DARS1: variants seen among roughly 807,000 people sequenced by gnomAD.
DARS1 encodes aspartate--tRNA ligase, cytoplasmic.
Under a neutral mutation model 68.8 loss-of-function variants are expected in DARS1, and 51 were observed. The observed-to-expected ratio is 0.74, with a 90% CI of 0.59 to 0.94. The LOEUF (loss-of-function observed/expected upper bound fraction) is 0.94, where lower values mean the gene tolerates loss of function less well. Ranked by LOEUF, DARS1 falls within the 40% of genes least tolerant of loss-of-function variation. The pLI is 0.00. For synonymous variants in DARS1, 203 were observed against 190.4 expected, an observed-to-expected ratio of 1.07 and a Z score of -0.55; for missense variants, 607 against 597.3, an observed-to-expected ratio of 1.02 and a Z score of -0.17.
At chr2:135,983,968 T>C (rs542621771) in intron 1 of DARS1, among the ~76,000 whole-genome samples, 3 of 152,318 alleles carry the variant, frequency 2.0e-5, no homozygotes, top group Admixed American at 6.5e-5. Flanking sequence ...AACTTTCCTT[T>C]TGTAAAACAT....
chr2:135,917,010 A>G (rs1312221290), intron 10 of DARS1, among the ~76,000 whole-genome samples: 1 of 152,136 alleles, frequency 6.6e-6, no homozygotes, highest in Non-Finnish European at 1.5e-5. Flanking sequence ...AACATGGTGA[A>G]ACCCCATCTC....
Position 135,911,371 on chromosome 2 carries a change from A to C in DARS1, c.1342+11T>G. 1.1e-6 allele frequency: 1 copy of C among 894,986 alleles called. No homozygotes were observed. The highest frequency in any genetic ancestry group is 1.9e-6 in the Non-Finnish European group (1 of 526,952). 55.4% of individuals were successfully genotyped at this position (894,986 alleles called of 1,614,324 possible). A position where few individuals can be genotyped will look rare whatever the true frequency, so the allele number is the denominator to read the frequency against. On this transcript the variant is annotated intron_variant, in intron 14 of 15. Transcript: ENST00000264161. The stretch of plus-strand genomic sequence containing the variant: ...AATATACACTCCCCTAAATTATTTT[A>C]AGTTGTTTACCAATTCCATGATGTA...
chr2:135,928,944 A>G (rs1203179159), intron 7 of DARS1, among the ~76,000 whole-genome samples: 1 of 152,216 alleles, frequency 6.6e-6, no homozygotes, highest in East Asian at 1.9e-4. Context: ...TGTGAGAAAG[A>G]ATCCAAGCTG....
chr2:135,968,081 G>A (rs1441722192), intron 3 of DARS1, among the ~76,000 whole-genome samples: 1 of 152,188 alleles, frequency 6.6e-6, no homozygotes, highest in Non-Finnish European at 1.5e-5. Context: ...CCAAAATGGT[G>A]AAACCCCGAC....
At chr2:135,911,676 C>T in intron 13 of DARS1, 183 bp from the exon 14 acceptor site, 1 of 494,154 alleles carries the variant, frequency 2.0e-6, no homozygotes, top group Non-Finnish European at 3.6e-6. Flanking sequence ...TTGTTTATAT[C>T]AGATTCTGTG....
At chr2:135,916,607 A>G (rs1215280640) in intron 10 of DARS1, among the ~76,000 whole-genome samples, 1 of 152,224 alleles carries the variant, frequency 6.6e-6, no homozygotes, top group Non-Finnish European at 1.5e-5. Context: ...TATAATTCAT[A>G]TCAGTTAATA....
chr2:135,952,568 C>T (rs958091470), intron 4 of DARS1, among the ~76,000 whole-genome samples: 1 of 152,018 alleles, frequency 6.6e-6, no homozygotes, highest in African/African-American at 2.4e-5. Context: ...TCCCCCTCTG[C>T]CCCCCACCAA....
At chr2:135,983,132 G>A (rs1453930364) in intron 2 of DARS1, among the ~76,000 whole-genome samples, 1 of 152,036 alleles carries the variant, frequency 6.6e-6, no homozygotes, top group African/African-American at 2.4e-5. Context: ...AATAATTTAG[G>A]AATATTTAAA....
chr2:135,942,816 G>A (rs1184081536), intron 5 of DARS1, among the ~76,000 whole-genome samples: 1 of 152,096 alleles, frequency 6.6e-6, no homozygotes, highest in Non-Finnish European at 1.5e-5. Context: ...TAGACTGTTT[G>A]CAAAAATGGC....
chr2:135,961,448 G>A lies in DARS1; in HGVS notation c.268C>T (p.Leu90Phe), dbSNP rs761874451. 1.3e-6 allele frequency: 2 copies of A among 1,565,158 alleles called. No individual in the cohort carries two copies. The highest frequency in any genetic ancestry group is 2.2e-5 in the East Asian group (1 of 44,662). ...LRQQQFNVQALVAVGDHASKQ... is the reference protein window; with the variant it reads ...LRQQQFNVQAFVAVGDHASKQ... ...CTTGCATGGTCTCCCACCGCCACAA[G>A]AGCCTGGACATTAAACTGCTGCTGA... The change falls in exon 4 of 16, where the codon CTT (leucine) becomes TTT (phenylalanine). Residue 90 changes from leucine to phenylalanine, a missense_variant. By Grantham distance (22) the Leu-to-Phe change is conservative. Transcript: ENST00000264161.
intron 6 of DARS1, among the ~76,000 whole-genome samples, chr2:135,933,620 TATA>T (rs1681401717): frequency 1.3e-5 from 2 of 152,170 alleles, no homozygotes; most frequent in South Asian, 4.1e-4. Context: ...GCAATGTATA[TATA>T]ATTTTTAATA....
At chr2:135,967,631 G>A (rs746698129) in intron 3 of DARS1, among the ~76,000 whole-genome samples, 24 of 151,954 alleles carry the variant, frequency 1.6e-4, no homozygotes, top group Non-Finnish European at 2.6e-4. Flanking sequence ...TGCCCTTAAG[G>A]AAAAAATATA....
At chr2:135,916,483 G>T in intron 10 of DARS1, 111 bp from the exon 11 acceptor site, 1 of 498,710 alleles carries the variant, frequency 2.0e-6, no homozygotes, top group South Asian at 4.6e-5. Flanking sequence ...TATACACCAG[G>T]AAAAGCATTA....
chr2:135,973,031 A>G (rs938204392), intron 3 of DARS1, among the ~76,000 whole-genome samples: 1 of 152,214 alleles, frequency 6.6e-6, no homozygotes, highest in African/African-American at 2.4e-5. Context: ...CAAAAAACTA[A>G]AAATAGAGTT....
At chr2:135,924,311 A>C in intron 8 of DARS1, 76 bp downstream of exon 8, 3 of 1,414,336 alleles carry the variant, frequency 2.1e-6, no homozygotes, top group South Asian at 1.6e-5. Context: ...TCAAGTTAAA[A>C]ATTTTATTAA....
intron 5 of DARS1, among the ~76,000 whole-genome samples, chr2:135,936,053 T>C (rs1681465936): frequency 6.6e-6 from 1 of 152,216 alleles, no homozygotes; most frequent in African/African-American, 2.4e-5. Flanking sequence ...TTATAACTAG[T>C]GGGAATTCAT....
chr2:135,930,383 C>T (rs1286305274), intron 7 of DARS1, among the ~76,000 whole-genome samples: 1 of 152,022 alleles, frequency 6.6e-6, no homozygotes, highest in Non-Finnish European at 1.5e-5. Flanking sequence ...GTTAGGATGC[C>T]CATGAGTCCT....
At chr2:135,951,540 ATG>A (rs1296682384) in intron 4 of DARS1, among the ~76,000 whole-genome samples, 3 of 152,224 alleles carry the variant, frequency 2.0e-5, no homozygotes, top group Non-Finnish European at 2.9e-5. Context: ...TGTTTTGAAA[ATG>A]TGAATTTGTT....
chr2:135,920,168 T>C (rs1172787914), intron 10 of DARS1, among the ~76,000 whole-genome samples: 1 of 152,104 alleles, frequency 6.6e-6, no homozygotes, highest in Non-Finnish European at 1.5e-5. Context: ...GATGTCAGTA[T>C]AAAGGAAACA....
Sources: gnomAD v4.1 joint callset for allele counts (sites outside exome capture counted in the v4.1 genomes callset) on GRCh38, gnomAD v4.1.1 for gene constraint, MANE v1.5 for transcripts, NCBI Gene and HGNC (gene_info 2026-07-23, HGNC 2026-07-21) for gene names.